The following JAKMIP1 variants were observed in gnomAD, a reference collection of about 807,000 sequenced individuals.
The protein encoded by JAKMIP1 is janus kinase and microtubule interacting protein 1.
JAKMIP1 carries 33 observed loss-of-function variants against 113.0 expected under a neutral mutation model. The observed-to-expected ratio is 0.29, with a 90% confidence interval of 0.22 to 0.39. The LOEUF is 0.39. JAKMIP1 is among the 10% of genes least tolerant of loss of function. The pLI, the probability that JAKMIP1 is intolerant of heterozygous loss-of-function variation, is 1.00. For missense variants in JAKMIP1, 813 were observed against 1,080.5 expected, an observed-to-expected ratio of 0.75 and a Z score of 3.47; for synonymous variants, 480 against 459.9, an observed-to-expected ratio of 1.04 and a Z score of -0.56.
intron 1 of JAKMIP1, among the ~76,000 whole-genome samples, chr4:6,191,884 T>C (rs1727293579): frequency 6.8e-6 from 1 of 146,722 alleles, no homozygotes; most frequent in African/African-American, 2.5e-5. Context: ...ATTCCGTTTT[T>C]TTCATACGTC....
intron 1 of JAKMIP1, among the ~76,000 whole-genome samples, chr4:6,118,824 C>T (rs543165740): frequency 2.6e-5 from 4 of 152,160 alleles, no homozygotes; most frequent in Non-Finnish European, 5.9e-5. Flanking sequence ...CAAAGAAATA[C>T]GATCACATCC....
chr4:6,043,901 T>G (rs1440637892), intron 16 of JAKMIP1, among the ~76,000 whole-genome samples: 3 of 151,862 alleles, frequency 2.0e-5, no homozygotes, highest in Non-Finnish European at 2.9e-5. Flanking sequence ...GCTCACAGCC[T>G]CATCAGTCAG....
chr4:6,081,230 C>G lies in JAKMIP1; in HGVS notation c.1101+379G>C, dbSNP rs895391279. On this transcript the variant is annotated intron_variant, in intron 6 of 20. Coordinates refer to ENST00000409021, the MANE Select transcript of JAKMIP1 (RefSeq NM_001099433.2). This position sits in a 1 kb window ranked among gnomAD's most constrained non-coding sequence, Gnocchi z 4.6. ...GCATCGCCAGCGATCATTGTAACAG[C>G]TTTCACTTGCTGGGTGTCCTCTGGG... is the stretch of plus-strand genomic sequence containing the variant. Among the ~76,000 whole-genome samples, 2 of 152,248 alleles carry G rather than the reference C, an allele frequency of 1.3e-5. No individual in the cohort carries two copies. Among genetic ancestry groups the G allele is most frequent in the African/African-American group, 4.8e-5 (2 of 41,472 alleles).
In JAKMIP1 at chr4:6,156,990, G is replaced by T. The variant is rs926445827; in HGVS notation, c.-148+43263C>A. 2.0e-5 allele frequency among the ~76,000 whole-genome samples: 3 copies of T among 152,204 alleles called. No homozygotes were observed. Among genetic ancestry groups the T allele is most frequent in the African/African-American group, 7.2e-5 (3 of 41,452 alleles). On this transcript the variant is annotated intron_variant, in intron 1 of 20. Transcript: ENST00000409021. This position sits in a 1 kb window ranked among gnomAD's most constrained non-coding sequence, Gnocchi z 5.0. The stretch of plus-strand genomic sequence containing the variant: ...ATCCCCAATGCACCAGTGTAAAGAG[G>T]GGGGACCTTTAAGGGGTGATTGGGT...
chr4:6,198,718 C>T (rs1222272173), intron 1 of JAKMIP1, among the ~76,000 whole-genome samples: 3 of 152,230 alleles, frequency 2.0e-5, no homozygotes, highest in Non-Finnish European at 4.4e-5. Context: ...TGCAGGTCTC[C>T]AGGAGGGTGG....
At position 6,088,239 on chromosome 4, in the gene JAKMIP1, T is replaced by G. The variant is rs1721572114; in HGVS notation, c.625-2610A>C. 6.6e-6 allele frequency among the ~76,000 whole-genome samples: 1 copy of G among 152,092 alleles called. No individual in the cohort carries two copies. Among genetic ancestry groups the G allele is most frequent in the South Asian group, 2.1e-4 (1 of 4,824 alleles). On this transcript the variant is annotated intron_variant, in intron 3 of 20. Coordinates refer to ENST00000409021, the MANE Select transcript of JAKMIP1 (RefSeq NM_001099433.2). The surrounding 1 kb of genome is among the most constrained non-coding windows in gnomAD (Gnocchi z 5.5). ...ATAAACATAATAAATAAGCAGACAT[T>G]GTAGTGATTGAGAGTGATTTGTGCT...
At chr4:6,029,858 G>A in intron 19 of JAKMIP1, 77 bp from the exon 20 acceptor site, 2 of 1,010,520 alleles carry the variant, frequency 2.0e-6, no homozygotes, top group South Asian at 2.7e-5. Context: ...TTTTATTGTG[G>A]TCTAGCACAG....
At chr4:6,047,187 AC>A (rs1333356903) in intron 16 of JAKMIP1, among the ~76,000 whole-genome samples, 2 of 152,214 alleles carry the variant, frequency 1.3e-5, no homozygotes, top group Non-Finnish European at 2.9e-5. Context: ...TGTAGCCAAG[AC>A]GCAAGCCAGG....
intron 8 of JAKMIP1, among the ~76,000 whole-genome samples, chr4:6,073,445 TCCCAGCGCAGTC>T (rs1719263665): frequency 6.6e-6 from 1 of 152,136 alleles, no homozygotes; most frequent in South Asian, 2.1e-4. Context: ...CTTTGATGGT[TCCCAGCGCAGTC>T]CCCAGCCCTC....
rs74337193 is a variant in JAKMIP1, at chr4:6,162,415, G to C, written c.-148+37838C>G. On this transcript the variant is annotated intron_variant, in intron 1 of 20. Transcript: ENST00000409021. The surrounding 1 kb of genome is among the most constrained non-coding windows in gnomAD (Gnocchi z 5.6). The stretch of plus-strand genomic sequence containing the variant: ...CTGGTCTTTGCTGGTGAGGGTCCTG[G>C]GGAAGTCACCTCCAGAGGCCACATG... 0.01 allele frequency among the ~76,000 whole-genome samples: 1,589 copies of C among 152,274 alleles called. 45 individuals are homozygous for C. The highest frequency in any genetic ancestry group is 0.074 in the Admixed American group (1,132 of 15,300).
At chr4:6,171,596 C>A (rs1002618439) in intron 1 of JAKMIP1, among the ~76,000 whole-genome samples, 4 of 152,322 alleles carry the variant, frequency 2.6e-5, no homozygotes, top group South Asian at 2.1e-4. Flanking sequence ...TCGATCCCCC[C>A]CCAAGTATGT....
At chr4:6,096,775 G>C (rs1473780589) in intron 3 of JAKMIP1, among the ~76,000 whole-genome samples, 1 of 152,182 alleles carries the variant, frequency 6.6e-6, no homozygotes, top group Non-Finnish European at 1.5e-5. Flanking sequence ...CACATACATA[G>C]TGAGATATCT....
At chr4:6,079,329 T>A (rs551773541) in intron 7 of JAKMIP1, among the ~76,000 whole-genome samples, 2 of 152,034 alleles carry the variant, frequency 1.3e-5, no homozygotes, top group African/African-American at 4.8e-5. Context: ...AGTGGATGGA[T>A]GGATGGGTGG....
At chr4:6,163,751 T>C (rs1423971182) in intron 1 of JAKMIP1, among the ~76,000 whole-genome samples, 1 of 152,190 alleles carries the variant, frequency 6.6e-6, no homozygotes, top group Non-Finnish European at 1.5e-5. Flanking sequence ...GCTACTCTGG[T>C]GAACACACAA....
At position 6,049,250 on chromosome 4, in the gene JAKMIP1, G is replaced by T. The variant is rs1451355838; in HGVS notation, c.1963-328C>A. 6.6e-6 allele frequency among the ~76,000 whole-genome samples: 1 copy of T among 152,186 alleles called. No homozygotes were observed. Among genetic ancestry groups the T allele is most frequent in the Non-Finnish European group, 1.5e-5 (1 of 68,040 alleles). ...AGGGTTTCGCCATGTTGGCCAGGCTGGTCTCGAACTCCTGACCTCAGGTGA... is the reference window on the plus strand; with the variant it reads ...AGGGTTTCGCCATGTTGGCCAGGCTTGTCTCGAACTCCTGACCTCAGGTGA... On this transcript the variant is annotated intron_variant, in intron 15 of 20. Coordinates refer to ENST00000409021, the MANE Select transcript of JAKMIP1 (RefSeq NM_001099433.2). This position sits in a 1 kb window ranked among gnomAD's most constrained non-coding sequence, Gnocchi z 7.0.
chr4:6,070,109 G>A, intron 8 of JAKMIP1: 1 of 398,884 alleles, frequency 2.5e-6, no homozygotes, highest in Non-Finnish European at 4.4e-6. Context: ...GGCACACCAG[G>A]GCACAGAGAC....
chr4:6,042,762 G>T lies in JAKMIP1; in HGVS notation c.2029-535C>A, dbSNP rs746237600. Among the ~76,000 whole-genome samples, 2 of 152,080 alleles carry T rather than the reference G, an allele frequency of 1.3e-5. No individual in the cohort carries two copies. Among genetic ancestry groups the T allele is most frequent in the African/African-American group, 4.8e-5 (2 of 41,406 alleles). On this transcript the variant is annotated intron_variant, in intron 16 of 20. Coordinates refer to ENST00000409021, the MANE Select transcript of JAKMIP1 (RefSeq NM_001099433.2). The surrounding 1 kb of genome is among the most constrained non-coding windows in gnomAD (Gnocchi z 5.2). ...CCACTGCCCTCATCCCTCCAGCAACGTGAGTTGGAGCAGCCCAGAGTGCCT... is the reference window on the plus strand; with the variant it reads ...CCACTGCCCTCATCCCTCCAGCAACTTGAGTTGGAGCAGCCCAGAGTGCCT...
intron 2 of JAKMIP1, 89 bp downstream of exon 2, chr4:6,112,633 A>C: frequency 3.3e-5 from 48 of 1,436,928 alleles, no homozygotes; most frequent in East Asian, 1.2e-4. Flanking sequence ...CCCTCCTGGA[A>C]CAGGCTCTTC....
intron 18 of JAKMIP1, among the ~76,000 whole-genome samples, chr4:6,036,546 T>C (rs1713468765): frequency 6.6e-6 from 1 of 152,200 alleles, no homozygotes; most frequent in African/African-American, 2.4e-5. Flanking sequence ...GGTTTTCAGC[T>C]GCCTTAAGAA....
Sources: gnomAD v4.1 joint callset for allele counts (sites outside exome capture counted in the v4.1 genomes callset) on GRCh38, gnomAD v4.1.1 for gene constraint, Gnocchi (gnomAD v3.1) non-coding constraint, MANE v1.5 for transcripts, NCBI Gene and HGNC (gene_info 2026-07-23, HGNC 2026-07-21) for gene names.